Variants in PRLR observed in about 807,000 individuals in gnomAD.
PRLR encodes prolactin receptor, also known as hPRL receptor.
A neutral mutation model predicts 40.2 loss-of-function variants in PRLR; 13 were observed. The ratio of observed to expected loss-of-function variants is 0.32; its 90% CI spans 0.21 to 0.51. The LOEUF (loss-of-function observed/expected upper bound fraction) is 0.51, where lower values mean the gene tolerates loss of function less well. Ranked by LOEUF, PRLR falls within the 20% of genes least tolerant of loss-of-function variation. The pLI, the probability that PRLR is intolerant of heterozygous loss-of-function variation, is 0.97. For synonymous variants in PRLR, 269 were observed against 278.7 expected, an observed-to-expected ratio of 0.97 and a Z score of 0.35; for missense variants, 656 against 747.3, an observed-to-expected ratio of 0.88 and a Z score of 1.42.
intron 1 of PRLR, among the ~76,000 whole-genome samples, chr5:35,186,271 A>ATTT (rs537396893): frequency 1.6e-4 from 25 of 152,022 alleles, no homozygotes; most frequent in Admixed American, 5.2e-4. Context: ...CTTTAAAAAA[A>ATTT]TTTTTTTTTG....
chr5:35,113,385 C>G (rs1435660912), intron 2 of PRLR, among the ~76,000 whole-genome samples: 2 of 141,320 alleles, frequency 1.4e-5, no homozygotes, highest in Non-Finnish European at 3.1e-5. Context: ...ATTTATCCAT[C>G]CATCCATCCA....
intron 1 of PRLR, among the ~76,000 whole-genome samples, chr5:35,178,250 A>C (rs1413159698): frequency 6.6e-6 from 1 of 152,226 alleles, no homozygotes; most frequent in Non-Finnish European, 1.5e-5. Context: ...AGATGATTTA[A>C]GAAGTATTTC....
At chr5:35,084,728 G>T in intron 4 of PRLR, 89 bp from the exon 5 acceptor site, 1 of 1,285,350 alleles carries the variant, frequency 7.8e-7, no homozygotes. Flanking sequence ...CTGGCCTTTG[G>T]GTATCAGAAA....
At chr5:35,220,634 T>C (rs1285062743) in intron 1 of PRLR, among the ~76,000 whole-genome samples, 2 of 152,188 alleles carry the variant, frequency 1.3e-5, no homozygotes, top group Admixed American at 1.3e-4. Context: ...CATCCTTCTA[T>C]CTCCAGCTCC....
At chr5:35,073,813 TG>T (rs1163385408) in intron 5 of PRLR, among the ~76,000 whole-genome samples, 1 of 152,186 alleles carries the variant, frequency 6.6e-6, no homozygotes, top group Non-Finnish European at 1.5e-5. Context: ...ATTAGCCTTC[TG>T]GGGAATGCAA....
chr5:35,074,504 C>CAT (rs3034214), intron 5 of PRLR, among the ~76,000 whole-genome samples: 29,222 of 132,218 alleles, frequency 0.22, 4,429 homozygotes, highest in African/African-American at 0.44. Context: ...TTTATGATTC[C>CAT]ATATATATAT....
chr5:35,072,533 C>A, intron 6 of PRLR, 42 bp downstream of exon 6: 1 of 1,582,832 alleles, frequency 6.3e-7, no homozygotes, highest in Non-Finnish European at 8.6e-7. Context: ...TTTATCCTTG[C>A]CAAAGGCCAT....
chr5:35,226,086 A>G (rs888778964), intron 1 of PRLR, among the ~76,000 whole-genome samples: 17 of 152,238 alleles, frequency 1.1e-4, no homozygotes, highest in African/African-American at 4.1e-4. Flanking sequence ...CAAGTGCTCA[A>G]TAGGCACATG....
intron 1 of PRLR, among the ~76,000 whole-genome samples, chr5:35,195,926 C>G (rs1775722353): frequency 6.6e-6 from 1 of 152,038 alleles, no homozygotes; most frequent in Non-Finnish European, 1.5e-5. Context: ...GGGCCTCAGT[C>G]TTTAACAGGC....
intron 1 of PRLR, among the ~76,000 whole-genome samples, chr5:35,164,145 C>T (rs575704241): frequency 5.3e-5 from 8 of 152,310 alleles, no homozygotes; most frequent in South Asian, 2.1e-4. Context: ...TAACTGTCCA[C>T]GTCTCCTTGG....
At position 35,072,656 on chromosome 5, in the gene PRLR, A is replaced by G. The variant is rs768417187; in HGVS notation, c.462T>C (p.Pro154=). The stretch of plus-strand genomic sequence containing the variant: ...AACCAGTTTTTAAGTCAATCAGGGT[A>G]GGTGGAGACCATTTAATCCACAGGT... ...KPYLWIKWSP[P]TLIDLKTGWF... Residue 154 remains proline, a synonymous_variant, in exon 6 of 10, where the codon CCT becomes CCC. Coordinates refer to ENST00000618457, the MANE Select transcript of PRLR (RefSeq NM_000949.7). 7 of 1,614,050 alleles carry G rather than the reference A, an allele frequency of 4.3e-6. No homozygotes were observed. The highest frequency in any genetic ancestry group is 5.1e-6 in the Non-Finnish European group (6 of 1,179,992).
chr5:35,166,884 C>A (rs1774848977), intron 1 of PRLR, among the ~76,000 whole-genome samples: 1 of 152,102 alleles, frequency 6.6e-6, no homozygotes, highest in African/African-American at 2.4e-5. Flanking sequence ...TCAGCATCAT[C>A]TGGAAGTTTG....
intron 2 of PRLR, among the ~76,000 whole-genome samples, chr5:35,101,242 A>G (rs148592101): frequency 8.5e-4 from 129 of 152,322 alleles, no homozygotes; most frequent in African/African-American, 2.9e-3. Context: ...GACTATTTTT[A>G]TAAAGTCATA....
chr5:35,161,789 C>T (rs766606927), intron 1 of PRLR, among the ~76,000 whole-genome samples: 2 of 152,228 alleles, frequency 1.3e-5, no homozygotes, highest in Non-Finnish European at 2.9e-5. Flanking sequence ...GAAGATCTGG[C>T]TAGAGCCAGT....
At chr5:35,113,376 T>G (rs1239266285) in intron 2 of PRLR, among the ~76,000 whole-genome samples, 1 of 83,876 alleles carries the variant, frequency 1.2e-5, no homozygotes, top group Non-Finnish European at 2.5e-5. Flanking sequence ...TACCCACCCA[T>G]TTATCCATCC....
At chr5:35,075,488 G>A in intron 5 of PRLR, among the ~76,000 whole-genome samples, 1 of 152,204 alleles carries the variant, frequency 6.6e-6, no homozygotes, top group Non-Finnish European at 1.5e-5. Flanking sequence ...TGAGGCTGGG[G>A]GAGGGGTGTC....
chr5:35,085,078 G>A (rs37389), intron 4 of PRLR, among the ~76,000 whole-genome samples: 31,926 of 152,034 alleles, frequency 0.21, 4,996 homozygotes, highest in African/African-American at 0.44. Context: ...ATTACTTTTC[G>A]TTTTTTAAAA....
intron 1 of PRLR, among the ~76,000 whole-genome samples, chr5:35,208,603 A>G (rs1776084066): frequency 6.6e-6 from 1 of 152,198 alleles, no homozygotes; most frequent in African/African-American, 2.4e-5. Flanking sequence ...AAATGAACAA[A>G]CTTCAAGCCA....
chr5:35,114,891 C>G (rs1234853453), intron 2 of PRLR, among the ~76,000 whole-genome samples: 4 of 152,194 alleles, frequency 2.6e-5, no homozygotes, highest in African/African-American at 9.6e-5. Context: ...TGAGCTTTGG[C>G]TCCCTTCCCT....
Sources: gnomAD v4.1 joint callset for allele counts (sites outside exome capture counted in the v4.1 genomes callset) on GRCh38, gnomAD v4.1.1 for gene constraint, MANE v1.5 for transcripts, NCBI Gene and HGNC (gene_info 2026-07-23, HGNC 2026-07-21) for gene names.